TBC1D22A: variants seen among roughly 807,000 people sequenced by gnomAD.
The protein encoded by TBC1D22A is TBC1 domain family member 22A.
TBC1D22A carries 38 observed loss-of-function variants against 60.2 expected under a neutral mutation model. That is an observed-to-expected ratio of 0.63 (90% CI 0.49 to 0.83). The LOEUF is 0.83. TBC1D22A is among the 40% of genes least tolerant of loss of function. The pLI, the probability that TBC1D22A is intolerant of heterozygous loss-of-function variation, is 0.00. For missense variants in TBC1D22A, 628 were observed against 701.0 expected (o/e 0.90, Z 1.18); for synonymous variants, 302 against 281.7 (o/e 1.07, Z -0.72).
chr22:47,015,464 A>T (rs769853327), intron 10 of TBC1D22A, among the ~76,000 whole-genome samples: 13 of 152,146 alleles, frequency 8.5e-5, no homozygotes, highest in Admixed American at 1.3e-4. Flanking sequence ...CCTCCCTTCT[A>T]ATTTCGAGGA....
At chr22:46,824,478 C>T (rs1027451612) in intron 4 of TBC1D22A, among the ~76,000 whole-genome samples, 7 of 152,072 alleles carry the variant, frequency 4.6e-5, no homozygotes, top group South Asian at 2.1e-4. Flanking sequence ...AGCTTGGAGG[C>T]GAGCGAGGAG....
At chr22:46,910,858 C>T (rs565406314) in intron 7 of TBC1D22A, among the ~76,000 whole-genome samples, 136 of 148,908 alleles carry the variant, frequency 9.1e-4, no homozygotes, top group Middle Eastern at 6.8e-3. Context: ...ACCCAGGGTG[C>T]GGGCGTGGCA....
rs57137345 is a variant in TBC1D22A at position 46,853,889 on chromosome 22, C to G, written c.638-24764C>G. ...TTTGGAAAGCACATGAGACTCTTTT[C>G]TGCCTCAGGGATCACTTTCTCAGCC... On this transcript the variant is annotated intron_variant, in intron 4 of 12. Transcript: ENST00000337137. 5.8e-3 allele frequency among the ~76,000 whole-genome samples: 888 copies of G among 152,306 alleles called. 7 individuals carry two copies. Among genetic ancestry groups the G allele is most frequent in the African/African-American group, 0.02 (845 of 41,556 alleles).
At chr22:47,034,258 G>A (rs1303342319) in intron 10 of TBC1D22A, among the ~76,000 whole-genome samples, 1 of 151,964 alleles carries the variant, frequency 6.6e-6, no homozygotes, top group Non-Finnish European at 1.5e-5. Context: ...TCTTGGAGTG[G>A]GTGTCCTGCG....
chr22:46,844,141 G>A (rs2086891621), intron 4 of TBC1D22A, among the ~76,000 whole-genome samples: 1 of 150,372 alleles, frequency 6.7e-6, no homozygotes, highest in Non-Finnish European at 1.5e-5. Context: ...GCTGGGCGTG[G>A]GCACTCTGGT....
At chr22:46,908,590 T>A (rs929058534) in intron 7 of TBC1D22A, among the ~76,000 whole-genome samples, 1 of 152,182 alleles carries the variant, frequency 6.6e-6, no homozygotes, top group Non-Finnish European at 1.5e-5. Context: ...AGTAAGAAAT[T>A]GGAATTCTCC....
chr22:46,847,920 T>TGTGTGG (rs1555910904), intron 4 of TBC1D22A, among the ~76,000 whole-genome samples: 155 of 25,338 alleles, frequency 6.1e-3, no homozygotes, highest in African/African-American at 0.014. Context: ...CCCTAGTGGG[T>TGTGTGG]GTGTGTGTGT....
At chr22:46,913,546 C>T in intron 8 of TBC1D22A, 1 of 1,229,014 alleles carries the variant, frequency 8.1e-7, no homozygotes, top group Non-Finnish European at 1.0e-6. Flanking sequence ...TGCCTCGGCT[C>T]ACTCCCTAAT....
chr22:47,027,958 C>A (rs1485849790), intron 10 of TBC1D22A, among the ~76,000 whole-genome samples: 1 of 152,152 alleles, frequency 6.6e-6, no homozygotes, highest in African/African-American at 2.4e-5. Context: ...AGTCAGGGCC[C>A]CTGGAGCTTC....
chr22:46,879,972 C>T (rs1289889314), intron 5 of TBC1D22A, among the ~76,000 whole-genome samples: 1 of 152,194 alleles, frequency 6.6e-6, no homozygotes, highest in African/African-American at 2.4e-5. Context: ...GTGACAGCCC[C>T]ACTCTGCTGG....
At chr22:46,799,586 G>GTCCA (rs2084810299) in intron 4 of TBC1D22A, among the ~76,000 whole-genome samples, 1 of 151,974 alleles carries the variant, frequency 6.6e-6, no homozygotes, top group Non-Finnish European at 1.5e-5. Flanking sequence ...TTTTTTCTTA[G>GTCCA]TCCAGACTCC....
chr22:46,951,708 C>A (rs1431809353), intron 8 of TBC1D22A, among the ~76,000 whole-genome samples: 4 of 152,188 alleles, frequency 2.6e-5, no homozygotes, highest in Non-Finnish European at 2.9e-5. Flanking sequence ...TGGGTTTTTT[C>A]TTTCAGATCC....
chr22:46,974,431 C>T (rs772586319), intron 9 of TBC1D22A, 32 bp downstream of exon 9: 23 of 1,558,036 alleles, frequency 1.5e-5, no homozygotes, highest in Middle Eastern at 1.8e-4. Flanking sequence ...ACACAGCCCA[C>T]GCCCACAGCC....
intron 3 of TBC1D22A, 109 bp from the exon 4 acceptor site, chr22:46,797,335 G>T: frequency 2.4e-6 from 3 of 1,247,266 alleles, no homozygotes; most frequent in Non-Finnish European, 3.4e-6. Context: ...GCTGAGTGAT[G>T]GGAAGAAGGG....
chr22:46,849,408 T>G (rs1316712137), intron 4 of TBC1D22A, among the ~76,000 whole-genome samples: 1 of 152,172 alleles, frequency 6.6e-6, no homozygotes, highest in East Asian at 1.9e-4. Flanking sequence ...AGGCCTCAGA[T>G]CCCATTACCT....
intron 11 of TBC1D22A, among the ~76,000 whole-genome samples, chr22:47,060,964 C>T (rs942796249): frequency 1.3e-5 from 2 of 152,222 alleles, no homozygotes; most frequent in Admixed American, 1.3e-4. Context: ...GATATATTTG[C>T]AGCCCCTGGA....
intron 10 of TBC1D22A, among the ~76,000 whole-genome samples, chr22:47,000,253 C>G (rs1418788945): frequency 6.6e-6 from 1 of 151,912 alleles, no homozygotes. Flanking sequence ...GATAAGGGCT[C>G]ATCAGGAGCG....
chr22:46,858,275 G>T lies in TBC1D22A; in HGVS notation c.638-20378G>T, dbSNP rs373641412. Reference sequence around the variant, plus strand: ...TATTGGCTGTCTGTATATCTTCTTTGAAGAAATGCCTATTCACATCCTTTG... The same window carrying T: ...TATTGGCTGTCTGTATATCTTCTTTTAAGAAATGCCTATTCACATCCTTTG... On this transcript the variant is annotated intron_variant, in intron 4 of 12. Coordinates refer to ENST00000337137, the MANE Select transcript of TBC1D22A (RefSeq NM_014346.5). 3.4e-4 allele frequency among the ~76,000 whole-genome samples: 52 copies of T among 152,282 alleles called. 1 individual carries two copies. In the South Asian group the frequency reaches 0.011, roughly 31 times the overall value.
chr22:46,823,420 A>G (rs2085911854), intron 4 of TBC1D22A, among the ~76,000 whole-genome samples: 1 of 152,200 alleles, frequency 6.6e-6, no homozygotes, highest in Non-Finnish European at 1.5e-5. Flanking sequence ...TGTGGTTGAT[A>G]CTACTGTACC....
Sources: allele counts gnomAD v4.1 joint callset (sites outside exome capture counted in the v4.1 genomes callset), GRCh38; gene constraint gnomAD v4.1.1; transcripts MANE v1.5; gene names NCBI Gene and HGNC (gene_info 2026-07-23, HGNC 2026-07-21).